The following NCAPG2 variants were observed in gnomAD, a reference collection of about 807,000 sequenced individuals.
NCAPG2 encodes non-SMC condensin II complex subunit G2.
Under a neutral mutation model 141.1 loss-of-function variants are expected in NCAPG2, and 53 were observed. That is an observed-to-expected ratio of 0.38 (90% CI 0.30 to 0.47). The LOEUF is 0.47. NCAPG2 is among the 20% of genes least tolerant of loss of function. NCAPG2 has a pLI of 0.99. For synonymous variants in NCAPG2, 499 were observed against 490.7 expected (o/e 1.02, Z -0.22); for missense variants, 1,087 against 1,389.0 (o/e 0.78, Z 3.46).
chr7:158,652,404 T>G lies in NCAPG2; in HGVS notation c.2823A>C (p.Thr941=). The G allele has an allele frequency of 6.2e-7, 1 of 1,613,580 alleles. No homozygotes were observed. Among genetic ancestry groups the G allele is most frequent in the East Asian group, 2.2e-5 (1 of 44,870 alleles). ...GCATTGCAACTTCTTCATCTGAATCTGTTTTCTGAATCAAGGAACTTCCAG... is the reference window on the plus strand; with the variant it reads ...GCATTGCAACTTCTTCATCTGAATCGGTTTTCTGAATCAAGGAACTTCCAG... The part of the protein sequence containing the change: ...EITGSSLIQK[T]DSDEEVAMLL... Residue 941 remains threonine (T), a synonymous_variant, in exon 23 of 28, where the codon ACA becomes ACC. Transcript: ENST00000356309.
At chr7:158,646,916 C>G (rs901321210) in intron 24 of NCAPG2, among the ~76,000 whole-genome samples, 4 of 151,800 alleles carry the variant, frequency 2.6e-5, no homozygotes, top group Admixed American at 6.6e-5. Context: ...GTAGTCCCAG[C>G]TACTTGGGAG....
rs768243343 is a variant in NCAPG2 at position 158,675,511 on chromosome 7, G to C, written c.1292C>G (p.Thr431Arg). The C allele has an allele frequency of 3.7e-6, 6 of 1,611,226 alleles. No individual in the cohort carries two copies. The African/African-American group carries it at 6.7e-5, about 18-fold the overall frequency. ...KKVTGELAFD[T>R]SSADVRCSVF... ...AGAACAACGAACATCAGCTGAGCTCGTGTCAAATGCCAGTTCCCCAGTCAC... is the reference window on the plus strand; with the variant it reads ...AGAACAACGAACATCAGCTGAGCTCCTGTCAAATGCCAGTTCCCCAGTCAC... Residue 431 changes from threonine (T) to arginine (R), a missense_variant, in exon 12 of 28, where the codon ACG (threonine) becomes AGG (arginine). Physicochemically the swap from Thr to Arg is moderately conservative, Grantham distance 71 (BLOSUM62 -1). Transcript: ENST00000356309.
intron 24 of NCAPG2, among the ~76,000 whole-genome samples, chr7:158,646,857 G>A (rs1418560569): frequency 6.6e-6 from 1 of 151,868 alleles, no homozygotes; most frequent in African/African-American, 2.4e-5. Flanking sequence ...ACAAGACCCT[G>A]CCTCTCTAAC....
chr7:158,657,800 C>T (rs568714787), intron 17 of NCAPG2, among the ~76,000 whole-genome samples: 11 of 152,288 alleles, frequency 7.2e-5, no homozygotes, highest in African/African-American at 2.4e-4. Flanking sequence ...TCATTTTGTC[C>T]TGTACTAAGA....
At chr7:158,670,487 G>T (rs1833616779) in intron 13 of NCAPG2, among the ~76,000 whole-genome samples, 1 of 152,122 alleles carries the variant, frequency 6.6e-6, no homozygotes, top group South Asian at 2.1e-4. Context: ...GATGGCTTGA[G>T]GTTGCAGTGA....
intron 17 of NCAPG2, among the ~76,000 whole-genome samples, 186 bp from the exon 18 acceptor site, chr7:158,656,891 C>T (rs931010596): frequency 2.0e-5 from 3 of 152,194 alleles, no homozygotes; most frequent in Admixed American, 2.0e-4. Context: ...TCAGCTGCAT[C>T]CCACCACAAG....
rs370779414 is a variant in NCAPG2, at chr7:158,631,437, T to C, written c.*229A>G. On this transcript the variant is annotated 3_prime_UTR_variant, in exon 28 of 28. Coordinates refer to ENST00000356309, the MANE Select transcript of NCAPG2 (RefSeq NM_017760.7). ...GAATCATGGATTTCTACACCATTCA[T>C]ACCTGGAGTCCTTTATATTAAATAT... The C allele has an allele frequency of 2.1e-5, 11 of 522,706 alleles. No individual in the cohort carries two copies. The South Asian group carries it at 2.8e-4, about 13-fold the overall frequency. 32.4% of individuals were successfully genotyped at this position (522,706 alleles called of 1,614,324 possible). A position where few individuals can be genotyped will look rare whatever the true frequency, so the allele number is the denominator to read the frequency against.
At position 158,662,236 on chromosome 7, in the gene NCAPG2, G is replaced by C. The variant is rs771568576; in HGVS notation, c.1947C>G (p.Asn649Lys). The C allele has an allele frequency of 4.3e-6, 7 of 1,609,502 alleles. No homozygotes were observed. The Admixed American group carries it at 8.4e-5, about 19-fold the overall frequency. Reference sequence around the variant, plus strand: ...ACTCTGGAAGCACAGAGGCAAACTTGTTAATCGTGTAAAGTTTGGCCTCTT... The same window carrying C: ...ACTCTGGAAGCACAGAGGCAAACTTCTTAATCGTGTAAAGTTTGGCCTCTT... The part of the protein sequence containing the change: ...NNKEAKLYTI[N>K]KFASVLPEYL... Residue 649 changes from asparagine to lysine, a missense_variant, in exon 16 of 28, where the codon AAC (asparagine) becomes AAG (lysine). Coordinates refer to ENST00000356309, the MANE Select transcript of NCAPG2 (RefSeq NM_017760.7).
At chr7:158,688,011 CA>C (rs1834880729) in intron 6 of NCAPG2, among the ~76,000 whole-genome samples, 2 of 152,042 alleles carry the variant, frequency 1.3e-5, no homozygotes, top group Admixed American at 1.3e-4. Context: ...AGAATGAATA[CA>C]ATCTTCATAC....
Position 158,655,275 on chromosome 7 carries a change from A to C in NCAPG2, c.2506-17T>G. The stretch of plus-strand genomic sequence containing the variant: ...TGAGCAGAACTGTCCAAAAACAAGA[A>C]GATAAATCAGTAACAAAAAGAGCAC... On this transcript the variant is annotated splice_polypyrimidine_tract_variant and intron_variant, in intron 20 of 27. Transcript: ENST00000356309. 1.9e-6 allele frequency: 3 copies of C among 1,613,758 alleles called. No homozygotes were observed. The highest frequency in any genetic ancestry group is 2.5e-6 in the Non-Finnish European group (3 of 1,179,838).
At chr7:158,680,462 A>C (rs900319505) in intron 10 of NCAPG2, among the ~76,000 whole-genome samples, 1 of 152,224 alleles carries the variant, frequency 6.6e-6, no homozygotes, top group African/African-American at 2.4e-5. Context: ...GCTTTACGGC[A>C]TGCCTCTAAT....
chr7:158,667,018 C>G lies in NCAPG2; in HGVS notation c.1480-2268G>C, dbSNP rs191858715. The G allele has an allele frequency of 3.3e-5, 19 of 583,292 alleles. No individual in the cohort carries two copies. The East Asian group carries it at 2.0e-3, about 62-fold the overall frequency. 36.1% of individuals were successfully genotyped at this position (583,292 alleles called of 1,614,324 possible). A position where few individuals can be genotyped will look rare whatever the true frequency, so the allele number is the denominator to read the frequency against. ...GTGCCAGGTTGTTCCTGCCCATAGA[C>G]AATGCCCTCCCGTCAGCTCCAACAG... On this transcript the variant is annotated intron_variant, in intron 13 of 27. Coordinates refer to ENST00000356309, the MANE Select transcript of NCAPG2 (RefSeq NM_017760.7).
chr7:158,666,729 C>T (rs1832972487), intron 13 of NCAPG2, among the ~76,000 whole-genome samples: 1 of 151,574 alleles, frequency 6.6e-6, no homozygotes, highest in Admixed American at 6.6e-5. Context: ...GATTTTGACG[C>T]CACCCTGGGC....
At position 158,704,753 on chromosome 7, in the gene NCAPG2, C is replaced by G. The variant is rs1836068710; in HGVS notation, c.-69G>C. On this transcript the variant is annotated 5_prime_UTR_variant, in exon 1 of 28. Coordinates refer to ENST00000356309, the MANE Select transcript of NCAPG2 (RefSeq NM_017760.7). ...GCTCGGGGACCCGCCGTTTCCCGCG[C>G]TCGGACCAGATTCAAACGCACCCGC... The G allele has an allele frequency of 6.6e-6, 1 of 152,384 alleles. No individual in the cohort carries two copies. The highest frequency in any genetic ancestry group is 1.5e-5 in the Non-Finnish European group (1 of 68,204). 9.4% of individuals were successfully genotyped at this position (152,384 alleles called of 1,614,324 possible). A position where few individuals can be genotyped will look rare whatever the true frequency, so the allele number is the denominator to read the frequency against.
chr7:158,654,175 G>T (rs1375440261), intron 22 of NCAPG2, among the ~76,000 whole-genome samples: 1 of 152,178 alleles, frequency 6.6e-6, no homozygotes, highest in African/African-American at 2.4e-5. Flanking sequence ...CCCTTTCCCT[G>T]TGGTAACAGC....
At chr7:158,631,780 A>G in intron 27 of NCAPG2, 63 bp from the exon 28 acceptor site, 1 of 1,284,008 alleles carries the variant, frequency 7.8e-7, no homozygotes, top group South Asian at 1.2e-5. Flanking sequence ...CCAAATGTAC[A>G]TTTTCAAAAA....
intron 23 of NCAPG2, among the ~76,000 whole-genome samples, chr7:158,651,795 G>C (rs924895763): frequency 2.0e-5 from 3 of 152,196 alleles, no homozygotes; most frequent in African/African-American, 7.2e-5. Flanking sequence ...ACCTGGAGAA[G>C]GTTAACATAG....
chr7:158,667,135 C>G, intron 13 of NCAPG2: 1 of 985,300 alleles, frequency 1.0e-6, no homozygotes, highest in Non-Finnish European at 1.2e-6. Context: ...TCGTCACAAA[C>G]CTTTCCAGAC....
At chr7:158,671,384 TTGACAGAGATAACTGGTC>T in intron 13 of NCAPG2, 112 bp downstream of exon 13, 1 of 1,151,968 alleles carries the variant, frequency 8.7e-7, no homozygotes, top group Non-Finnish European at 1.3e-6. Context: ...AATAACATTT[TTGACAGAGATAACTGGTC>T]AAATCATATC....
Sources: allele counts gnomAD v4.1 joint callset (sites outside exome capture counted in the v4.1 genomes callset), GRCh38; gene constraint gnomAD v4.1.1; transcripts MANE v1.5; gene names NCBI Gene and HGNC (gene_info 2026-07-23, HGNC 2026-07-21).